RIF1: variants seen among roughly 807,000 people sequenced by gnomAD.
RIF1 encodes telomere-associated protein RIF1.
In RIF1, 45 loss-of-function variants were observed where a neutral mutation model predicts 247.1. The observed-to-expected ratio is 0.18, with a 90% CI of 0.14 to 0.23. RIF1 has a LOEUF of 0.23. Among genes scored for constraint, RIF1 ranks in the 10% least tolerant of loss-of-function variants. The probability of loss-of-function intolerance (pLI) is 1.00; values close to 1 mark genes in which losing one functional copy is unlikely to be tolerated. For synonymous variants in RIF1, 1,087 were observed against 978.8 expected (o/e 1.11, Z -2.06); for missense variants, 2,967 against 2,862.5 (o/e 1.04, Z -0.83).
At chr2:151,497,139 T>TC in intron 10 of RIF1, 1 of 1,390,344 alleles carries the variant, frequency 7.2e-7, no homozygotes, top group Non-Finnish European at 9.8e-7. Context: ...AACACAGTTG[T>TC]CCAAGGAGCC....
chr2:151,516,315 A>G, the RIF1 span: 10 of 574,822 alleles, frequency 1.7e-5, no homozygotes, highest in Non-Finnish European at 2.5e-5. Flanking sequence ...GATTTCTGAG[A>G]TGGAGAAGAT....
chr2:151,423,309 C>A (rs1688481761), intron 8 of RIF1: 2 of 334,310 alleles, frequency 6.0e-6, no homozygotes, highest in Non-Finnish European at 1.1e-5. Flanking sequence ...TACGCTCTGC[C>A]TTTTTGTTTT....
Position 151,462,286 on chromosome 2 carries a change from A to G in RIF1, c.3272A>G (p.Asp1091Gly), listed in dbSNP as rs1479449919. 1 of 1,590,322 alleles carries G rather than the reference A, an allele frequency of 6.3e-7. No homozygotes were observed. Among genetic ancestry groups the G allele is most frequent in the Non-Finnish European group, 8.6e-7 (1 of 1,165,430 alleles). The change falls in exon 28 of 36, where the codon GAT becomes GGT. Residue 1091 changes from aspartate to glycine, a missense_variant. Physicochemically the swap from Asp to Gly is moderately conservative, Grantham distance 94. Transcript: ENST00000444746. ...TATAATAATCTGGATGTTTCCCAAG[A>G]TACCTTATTTACTCAGTATAGTCAG... ...AMYNNLDVSQ[D>G]TLFTQYSQEE...
intron 7 of RIF1, among the ~76,000 whole-genome samples, chr2:151,422,587 C>T (rs1237260533): frequency 6.6e-6 from 1 of 151,838 alleles, no homozygotes; most frequent in Admixed American, 6.6e-5. Flanking sequence ...GCAACCTCCA[C>T]CTCCCAGGTT....
At chr2:151,499,185 A>AAAGAC in intron 10 of RIF1, 2 of 560,412 alleles carry the variant, frequency 3.6e-6, no homozygotes, top group East Asian at 6.4e-5. Flanking sequence ...AAGTTGGGAA[A>AAAGAC]AAGACAGGTC....
In RIF1 at chr2:151,443,267, A is replaced by G. The variant is rs1019485941; in HGVS notation, c.1743A>G (p.Pro581=). ...VANMDILNGT[P]ALFLIQLIFN... is the part of the protein sequence containing the mutation. ...TTCATTTTCTCCTTCAGGGAACTCCAGCTTTGTTCTTAATTCAATTAATTT... is the reference window on the plus strand; with the variant it reads ...TTCATTTTCTCCTTCAGGGAACTCCGGCTTTGTTCTTAATTCAATTAATTT... The change falls in exon 17 of 36, where the codon CCA becomes CCG. Residue 581 remains proline (P), a synonymous_variant. Coordinates refer to ENST00000444746, the MANE Select transcript of RIF1 (RefSeq NM_018151.5). 10 of 1,588,894 alleles carry G rather than the reference A, an allele frequency of 6.3e-6. No individual in the cohort carries two copies. The Admixed American group carries it at 1.0e-4, about 16-fold the overall frequency.
At chr2:151,504,448 C>T (rs1387753819) in intron 12 of RIF1, among the ~76,000 whole-genome samples, 1 of 152,202 alleles carries the variant, frequency 6.6e-6, no homozygotes, top group East Asian at 1.9e-4. Flanking sequence ...CTAGCTTTCT[C>T]AACTCTTATT....
the RIF1 span, chr2:151,529,241 G>A: frequency 1.2e-6 from 2 of 1,613,278 alleles, no homozygotes; most frequent in Non-Finnish European, 1.7e-6. Flanking sequence ...GTCCTTGGCT[G>A]CTTTGATATG....
the RIF1 span, chr2:151,534,086 T>C: frequency 4.3e-6 from 3 of 694,772 alleles, no homozygotes; most frequent in Non-Finnish European, 7.3e-6. Context: ...GCTAGACAGA[T>C]ACTTTGAAAC....
chr2:151,465,790 G>T lies in RIF1; in HGVS notation c.6270G>T (p.Glu2090Asp). ...IDANKTETNT[E>D]YSKSEEKLDN... The stretch of plus-strand genomic sequence containing the variant: ...CTAATAAAACTGAAACAAATACTGA[G>T]TATAGTAAATCTGAAGAAAAATTAG... The change falls in exon 30 of 36, where the codon GAG (glutamate) becomes GAT (aspartate). Residue 2090 changes from glutamate to aspartate, a missense_variant. Physicochemically the swap from Glu to Asp is conservative, Grantham distance 45. Coordinates refer to ENST00000444746, the MANE Select transcript of RIF1 (RefSeq NM_018151.5). The T allele has an allele frequency of 6.2e-7, 1 of 1,613,100 alleles. No individual in the cohort carries two copies. The highest frequency in any genetic ancestry group is 8.5e-7 in the Non-Finnish European group (1 of 1,179,136).
chr2:151,437,621 G>A (rs1691476368), intron 13 of RIF1, among the ~76,000 whole-genome samples: 1 of 152,168 alleles, frequency 6.6e-6, no homozygotes, highest in Non-Finnish European at 1.5e-5. Flanking sequence ...AGCCCAGGAG[G>A]TGGAAGTTGC....
chr2:151,513,956 TTAGAG>T, the RIF1 span, among the ~76,000 whole-genome samples: 5 of 152,218 alleles, frequency 3.3e-5, no homozygotes, highest in African/African-American at 1.2e-4. Context: ...GCTTAGAAGA[TTAGAG>T]TATAAAGTAA....
chr2:151,438,591 T>G lies in RIF1; in HGVS notation c.1484-93T>G, dbSNP rs1691680972. The G allele has an allele frequency of 1.1e-5, 9 of 786,474 alleles. No homozygotes were observed. The South Asian group carries it at 1.3e-4, about 11-fold the overall frequency. The allele number at this position is 786,474 out of a possible 1,614,324, so 48.7% of individuals were successfully genotyped here. The stretch of plus-strand genomic sequence containing the variant: ...TAAATTAAGTATTGTTCAATTTATT[T>G]GTTTAATGTAAGGAAGTAAAGGGAG... On this transcript the variant is annotated intron_variant, in intron 13 of 35. Transcript: ENST00000444746.
intron 20 of RIF1, among the ~76,000 whole-genome samples, chr2:151,446,956 T>TC (rs1558984105): frequency 6.6e-6 from 1 of 150,782 alleles, no homozygotes; most frequent in East Asian, 1.9e-4. Flanking sequence ...TTTTTTTTTT[T>TC]TTTTTGAGAC....
At chr2:151,503,621 A>T (rs1029872343) in intron 12 of RIF1, among the ~76,000 whole-genome samples, 21 of 88,254 alleles carry the variant, frequency 2.4e-4, no homozygotes, top group Non-Finnish European at 5.1e-4. Flanking sequence ...AAATAGTAAA[A>T]ATTTTTACTA....
chr2:151,497,906 A>ACTT (rs1284349551), intron 10 of RIF1: 31 of 1,476,848 alleles, frequency 2.1e-5, no homozygotes, highest in Non-Finnish European at 4.4e-6. Flanking sequence ...AGAAGCAGGG[A>ACTT]CTTCAGCTGC....
chr2:151,464,039 G>T lies in RIF1; in HGVS notation c.4519G>T (p.Asp1507Tyr), dbSNP rs149293885. 1.2e-6 allele frequency: 2 copies of T among 1,611,050 alleles called. No homozygotes were observed. Among genetic ancestry groups the T allele is most frequent in the Non-Finnish European group, 1.7e-6 (2 of 1,179,364 alleles). The change falls in exon 30 of 36, where the codon GAC (aspartate) becomes TAC (tyrosine). Residue 1507 changes from aspartate (D) to tyrosine (Y), a missense_variant. By Grantham distance (160) the Asp-to-Tyr change is radical. This residue lies in a region of RIF1 where 2,028 missense variants were observed against 1,825.6 expected (regional missense o/e 1.11). Transcript: ENST00000444746. ...AETEQNKKKA[D>Y]PENIKSEGDG... is the part of the protein sequence containing the mutation. ...AACTGAACAAAATAAAAAAAAGGCA[G>T]ACCCTGAGAACATTAAGTCTGAGGG...
chr2:151,470,873 G>T (rs1456510972), intron 34 of RIF1, among the ~76,000 whole-genome samples: 1 of 151,874 alleles, frequency 6.6e-6, no homozygotes, highest in Non-Finnish European at 1.5e-5. Flanking sequence ...AGTTTCCATG[G>T]GTCTTGGGAA....
intron 34 of RIF1, among the ~76,000 whole-genome samples, chr2:151,470,918 A>G (rs898885556): frequency 3.1e-4 from 47 of 152,274 alleles, no homozygotes; most frequent in African/African-American, 1.1e-3. Flanking sequence ...TAACAGCTTC[A>G]TTAAGATATG....
Sources: allele counts gnomAD v4.1 joint callset (sites outside exome capture counted in the v4.1 genomes callset), GRCh38; gene constraint gnomAD v4.1.1; regional missense constraint gnomAD v4.1.1; transcripts MANE v1.5; gene names NCBI Gene and HGNC (gene_info 2026-07-23, HGNC 2026-07-21).